Variants in TBC1D4 observed in about 807,000 individuals in gnomAD.
TBC1D4 encodes TBC1 domain family member 4.
A neutral mutation model predicts 142.5 loss-of-function variants in TBC1D4; 121 were observed. That is an observed-to-expected ratio of 0.85 (90% CI 0.73 to 0.99). The LOEUF is 0.99. Ranked by LOEUF, TBC1D4 falls within the 50% of genes least tolerant of loss-of-function variation. The pLI is 0.00. For synonymous variants in TBC1D4, 630 were observed against 628.2 expected, an observed-to-expected ratio of 1.00 and a Z score of -0.04; for missense variants, 1,475 against 1,606.6, an observed-to-expected ratio of 0.92 and a Z score of 1.40.
chr13:75,458,438 G>C (rs149104488), intron 1 of TBC1D4, among the ~76,000 whole-genome samples: 2 of 152,306 alleles, frequency 1.3e-5, no homozygotes, highest in African/African-American at 4.8e-5. Flanking sequence ...TCGAGGTAGG[G>C]ATGTGGCAAG....
At chr13:75,348,520 G>C (rs1168740632) in intron 5 of TBC1D4, among the ~76,000 whole-genome samples, 4 of 152,064 alleles carry the variant, frequency 2.6e-5, no homozygotes, top group South Asian at 4.1e-4. Context: ...TTTTTGTCTT[G>C]TATAGTAGTT....
At chr13:75,375,504 C>G (rs1883447904) in intron 1 of TBC1D4, 1 of 152,086 alleles carries the variant, frequency 6.6e-6, no homozygotes, top group African/African-American at 2.4e-5. Flanking sequence ...CCCAAAATAG[C>G]AATTGATTAC....
chr13:75,479,300 A>G (rs1888739927), intron 1 of TBC1D4, among the ~76,000 whole-genome samples: 1 of 152,180 alleles, frequency 6.6e-6, no homozygotes, highest in Non-Finnish European at 1.5e-5. Context: ...TCAAACACTC[A>G]TCTGGGAAAA....
intron 1 of TBC1D4, among the ~76,000 whole-genome samples, chr13:75,400,609 C>G (rs1486979027): frequency 1.0e-4 from 1 of 9,976 alleles, no homozygotes; most frequent in Admixed American, 2.3e-3. Context: ...AGGCGCCCAC[C>G]ACCATGCCCA....
At chr13:75,386,386 C>CTT (rs67450573) in intron 1 of TBC1D4, among the ~76,000 whole-genome samples, 8 of 143,752 alleles carry the variant, frequency 5.6e-5, no homozygotes, top group African/African-American at 2.1e-4. Context: ...TTTTCTTTTT[C>CTT]TTTTTCTTTT....
chr13:75,298,053 T>C (rs1027637792), intron 17 of TBC1D4, among the ~76,000 whole-genome samples: 6 of 152,214 alleles, frequency 3.9e-5, no homozygotes, highest in African/African-American at 1.4e-4. Flanking sequence ...TCTTTTGTTA[T>C]ACATTGGCAA....
intron 1 of TBC1D4, among the ~76,000 whole-genome samples, chr13:75,409,143 A>G (rs1022013335): frequency 2.0e-5 from 3 of 152,186 alleles, no homozygotes; most frequent in African/African-American, 7.2e-5. Context: ...GTTTAAACTT[A>G]TAATATGAAT....
chr13:75,453,231 CTCAAGCACTGA>C (rs1283625973), intron 1 of TBC1D4, among the ~76,000 whole-genome samples: 1 of 151,610 alleles, frequency 6.6e-6, no homozygotes, highest in Admixed American at 6.6e-5. Flanking sequence ...TTCAAGTATC[CTCAAGCACTGA>C]GCAGCACATT....
chr13:75,419,852 C>T (rs1886088668), intron 1 of TBC1D4, among the ~76,000 whole-genome samples: 2 of 152,136 alleles, frequency 1.3e-5, no homozygotes, highest in Non-Finnish European at 2.9e-5. Flanking sequence ...GGTGATAGGA[C>T]GTGCACAAAT....
Position 75,359,781 on chromosome 13 carries a change from G to A in TBC1D4, c.1158C>T (p.Ser386=). 1.2e-6 allele frequency: 2 copies of A among 1,611,522 alleles called. No individual in the cohort carries two copies. The highest frequency in any genetic ancestry group is 1.7e-6 in the Non-Finnish European group (2 of 1,177,814). The part of the protein sequence containing the change: ...VVLEKNFKDI[S]SCSQGIKHVD... ...CTTTGATACATACCTGAGAACAAGAGGAGATATCTTTAAAATTCTTTTCTA... is the reference window on the plus strand; with the variant it reads ...CTTTGATACATACCTGAGAACAAGAAGAGATATCTTTAAAATTCTTTTCTA... Residue 386 remains serine (S), a synonymous_variant, in exon 3 of 21, where the codon TCC becomes TCT. Coordinates refer to ENST00000377636, the MANE Select transcript of TBC1D4 (RefSeq NM_014832.5).
chr13:75,395,935 G>A (rs568860033), intron 1 of TBC1D4, among the ~76,000 whole-genome samples: 45 of 152,258 alleles, frequency 3.0e-4, no homozygotes, highest in Admixed American at 7.8e-4. Flanking sequence ...TTAATTGGCT[G>A]GCTTGTTTAA....
intron 1 of TBC1D4, among the ~76,000 whole-genome samples, chr13:75,449,813 G>A (rs181991001): frequency 1.0e-3 from 154 of 152,232 alleles, no homozygotes; most frequent in African/African-American, 3.6e-3. Context: ...TTGAACTCCT[G>A]ACCTCAAGTG....
intron 1 of TBC1D4, among the ~76,000 whole-genome samples, chr13:75,463,864 T>TA (rs1888067542): frequency 6.6e-6 from 1 of 152,204 alleles, no homozygotes; most frequent in East Asian, 1.9e-4. Flanking sequence ...TACCCATTAG[T>TA]AAAAAAATCA....
At chr13:75,357,589 T>C (rs1406441089) in intron 3 of TBC1D4, among the ~76,000 whole-genome samples, 1 of 152,192 alleles carries the variant, frequency 6.6e-6, no homozygotes, top group African/African-American at 2.4e-5. Context: ...AGGACCTCAT[T>C]AGCTCGGAGA....
chr13:75,297,424 A>T lies in TBC1D4; in HGVS notation c.3156+1906T>A, dbSNP rs1876046083. Among the ~76,000 whole-genome samples, 3 of 152,286 alleles carry T rather than the reference A, an allele frequency of 2.0e-5. No individual in the cohort carries two copies. The South Asian group carries it at 6.2e-4, about 32-fold the overall frequency. On this transcript the variant is annotated intron_variant, in intron 17 of 20. Transcript: ENST00000377636. ...TTGTTTCTGAAAATCAGAATTATTG[A>T]ATTCCTTACAAGACCATCTGATTCC...
chr13:75,360,773 AATT>A (rs146793678), intron 2 of TBC1D4, among the ~76,000 whole-genome samples: 128 of 152,212 alleles, frequency 8.4e-4, no homozygotes, highest in African/African-American at 3.0e-3. Flanking sequence ...CTTTACTCTG[AATT>A]TACTTTTGAA....
chr13:75,382,281 G>A (rs1883898236), intron 1 of TBC1D4, among the ~76,000 whole-genome samples: 1 of 152,150 alleles, frequency 6.6e-6, no homozygotes, highest in African/African-American at 2.4e-5. Flanking sequence ...CTATTTACAT[G>A]AAGTTCCAAT....
chr13:75,420,864 T>C (rs1230212272), intron 1 of TBC1D4, among the ~76,000 whole-genome samples: 4 of 152,038 alleles, frequency 2.6e-5, no homozygotes, highest in Non-Finnish European at 5.9e-5. Flanking sequence ...AGAAGAAATA[T>C]ACCCTCTACA....
chr13:75,290,254 A>G (rs1875153311), intron 19 of TBC1D4, among the ~76,000 whole-genome samples: 2 of 152,124 alleles, frequency 1.3e-5, no homozygotes, highest in Non-Finnish European at 2.9e-5. Context: ...TGAGATTTAT[A>G]GTTACTTTTA....
Sources: allele counts gnomAD v4.1 joint callset (sites outside exome capture counted in the v4.1 genomes callset), GRCh38; gene constraint gnomAD v4.1.1; transcripts MANE v1.5; gene names NCBI Gene and HGNC (gene_info 2026-07-23, HGNC 2026-07-21).